ARHGEF15: variants seen among roughly 807,000 people sequenced by gnomAD.
ARHGEF15 encodes the protein Rho guanine nucleotide exchange factor (GEF) 15.
In ARHGEF15, 58 loss-of-function variants were observed where a neutral mutation model predicts 79.7. The ratio of observed to expected loss-of-function variants is 0.73; its 90% CI spans 0.59 to 0.91. The LOEUF is 0.91. Among genes scored for constraint, ARHGEF15 ranks in the 40% least tolerant of loss-of-function variants. ARHGEF15 has a pLI of 0.00. For missense variants in ARHGEF15, 1,012 were observed against 1,108.1 expected (o/e 0.91, Z 1.23); for synonymous variants, 442 against 456.0 (o/e 0.97, Z 0.39).
Position 8,313,035 on chromosome 17 carries a change from C to G in ARHGEF15, c.715C>G (p.Arg239Gly), listed in dbSNP as rs200249246. The change falls in exon 3 of 16, where the codon CGT becomes GGT. Residue 239 changes from arginine (R) to glycine (G), a missense_variant. Around this residue, in one of 3 missense-constraint regions of ARHGEF15, gnomAD observed 818 missense variants for 882.5 expected, o/e 0.93. Transcript: ENST00000361926. Reference sequence around the variant, plus strand: ...CTATGAGGAGGTCCCCAGGGTCCCCCGTCGGGCCTCCCCGCTGCGGACCTC... The same window carrying G: ...CTATGAGGAGGTCCCCAGGGTCCCCGGTCGGGCCTCCCCGCTGCGGACCTC... ...GGYEEVPRVP[R>G]RASPLRTSRS... The G allele has an allele frequency of 1.2e-6, 2 of 1,613,428 alleles. No homozygotes were observed. The highest frequency in any genetic ancestry group is 1.7e-6 in the Non-Finnish European group (2 of 1,179,822).
rs555460135 is a variant in ARHGEF15, at chr17:8,317,079, G to A, written c.1704+931G>A. ...ATTACAGGCGTGAGCCACTGCACCCGGCCTAAGACACTCTCTTCTATAGCA... is the reference window on the plus strand; with the variant it reads ...ATTACAGGCGTGAGCCACTGCACCCAGCCTAAGACACTCTCTTCTATAGCA... On this transcript the variant is annotated intron_variant, in intron 9 of 15. Coordinates refer to ENST00000361926, the MANE Select transcript of ARHGEF15 (RefSeq NM_173728.4). Among the ~76,000 whole-genome samples, 18 of 152,064 alleles carry A rather than the reference G, an allele frequency of 1.2e-4. 1 individual carries two copies. Among genetic ancestry groups the A allele is most frequent in the African/African-American group, 4.3e-4 (18 of 41,494 alleles).
In ARHGEF15 at chr17:8,318,972, C is replaced by T; in HGVS notation, c.2034-35C>T. On this transcript the variant is annotated intron_variant, in intron 12 of 15. Transcript: ENST00000361926. This position sits in a 1 kb window ranked among gnomAD's most constrained non-coding sequence, Gnocchi z 5.0. ...GGGCAGGAGGGGTCCAGCGGGACCC[C>T]TGCTGTCCTTCTGAACGACCTCATC... The T allele has an allele frequency of 6.2e-7, 1 of 1,610,514 alleles. No homozygotes were observed. Among genetic ancestry groups the T allele is most frequent in the Non-Finnish European group, 8.5e-7 (1 of 1,178,620 alleles).
Position 8,315,955 on chromosome 17 carries a change from G to C in ARHGEF15, c.1574+48G>C. 1 of 1,601,766 alleles carries C rather than the reference G, an allele frequency of 6.2e-7. No homozygotes were observed. The highest frequency in any genetic ancestry group is 8.5e-7 in the Non-Finnish European group (1 of 1,178,432). ...GGAAGCTGGGGAGAGGGATGGGACC[G>C]AGGCCACAGCAGGTTGGGGCACCAG... is the stretch of plus-strand genomic sequence containing the variant. On this transcript the variant is annotated intron_variant, in intron 8 of 15. Coordinates refer to ENST00000361926, the MANE Select transcript of ARHGEF15 (RefSeq NM_173728.4). The surrounding 1 kb of genome is among the most constrained non-coding windows in gnomAD (Gnocchi z 4.3).
At chr17:8,320,554 TG>T (rs1905316017) in intron 15 of ARHGEF15, among the ~76,000 whole-genome samples, 1 of 152,016 alleles carries the variant, frequency 6.6e-6, no homozygotes, top group African/African-American at 2.4e-5. Flanking sequence ...GTCATAGAAG[TG>T]GCAGGGATGG....
rs1389503044 is a variant in ARHGEF15 at position 8,314,910 on chromosome 17, G to A, written c.994G>A (p.Glu332Lys). 6.2e-7 allele frequency: 1 copy of A among 1,614,032 alleles called. No individual in the cohort carries two copies. The highest frequency in any genetic ancestry group is 1.7e-5 in the Admixed American group (1 of 59,994). Residue 332 changes from glutamate (E) to lysine (K), a missense_variant, in exon 5 of 16, where the codon GAG (glutamate) becomes AAG (lysine). By Grantham distance (56) the Glu-to-Lys change is moderately conservative. This residue lies in a region of ARHGEF15 where 818 missense variants were observed against 882.5 expected (regional missense o/e 0.93). Transcript: ENST00000361926. ...CTTCCCTTTCTTTCTCCACAGGGAA[G>A]AGGAGGGGCTAGAGGTGCTGAAGGA... is the stretch of plus-strand genomic sequence containing the variant. ...TPPATVEGRE[E>K]EGLEVLKEQN...
In ARHGEF15 at chr17:8,315,391, C is replaced by A; in HGVS notation, c.1261-23C>A. The A allele has an allele frequency of 6.2e-7, 1 of 1,613,702 alleles. No homozygotes were observed. Among genetic ancestry groups the A allele is most frequent in the Non-Finnish European group, 8.5e-7 (1 of 1,179,840 alleles). ...TTCCCACGGTGAACTGGGCTTCCCA[C>A]GACTGCCTGCTTTTCTTTCTAGAGT... On this transcript the variant is annotated intron_variant, in intron 6 of 15. Transcript: ENST00000361926. The surrounding 1 kb of genome is among the most constrained non-coding windows in gnomAD (Gnocchi z 4.3).
Position 8,318,516 on chromosome 17 carries a change from G to A in ARHGEF15, c.1780-54G>A. 1 of 1,613,258 alleles carries A rather than the reference G, an allele frequency of 6.2e-7. No individual in the cohort carries two copies. The highest frequency in any genetic ancestry group is 8.5e-7 in the Non-Finnish European group (1 of 1,179,504). Reference sequence around the variant, plus strand: ...AGGTGACAAGGTGGTAGAGAGAAATGGTAGGGAGCAGGGGGCTGGCCGCTG... The same window carrying A: ...AGGTGACAAGGTGGTAGAGAGAAATAGTAGGGAGCAGGGGGCTGGCCGCTG... On this transcript the variant is annotated intron_variant, in intron 10 of 15. Coordinates refer to ENST00000361926, the MANE Select transcript of ARHGEF15 (RefSeq NM_173728.4). The surrounding 1 kb of genome is among the most constrained non-coding windows in gnomAD (Gnocchi z 5.0).
At chr17:8,320,233 A>G (rs1380948872) in intron 15 of ARHGEF15, among the ~76,000 whole-genome samples, 1 of 152,122 alleles carries the variant, frequency 6.6e-6, no homozygotes, top group Non-Finnish European at 1.5e-5. Context: ...AGCAAAATAG[A>G]TAAGTAAATT....
In ARHGEF15 at chr17:8,318,319, G is replaced by A. The variant is rs1905156647; in HGVS notation, c.1705-68G>A. Reference sequence around the variant, plus strand: ...GGCTGAAACAGACAGGGTCCTCTGAGCTGTGGCCCCTCTGAATCCCAGGGC... The same window carrying A: ...GGCTGAAACAGACAGGGTCCTCTGAACTGTGGCCCCTCTGAATCCCAGGGC... On this transcript the variant is annotated intron_variant, in intron 9 of 15. Transcript: ENST00000361926. This position sits in a 1 kb window ranked among gnomAD's most constrained non-coding sequence, Gnocchi z 5.0. The A allele has an allele frequency of 6.8e-7, 1 of 1,460,350 alleles. No individual in the cohort carries two copies. The highest frequency in any genetic ancestry group is 1.4e-5 in the African/African-American group (1 of 71,168). 90.5% of individuals were successfully genotyped at this position (1,460,350 alleles called of 1,614,324 possible). A position where few individuals can be genotyped will look rare whatever the true frequency, so the allele number is the denominator to read the frequency against.
At chr17:8,319,243 C>T (rs1905221060) in intron 13 of ARHGEF15, 69 bp from the exon 14 acceptor site, 7 of 1,605,830 alleles carry the variant, frequency 4.4e-6, no homozygotes, top group Non-Finnish European at 6.0e-6. Flanking sequence ...TCTCTCTCTT[C>T]TGTGGCTCCT....
intron 3 of ARHGEF15, 35 bp from the exon 4 acceptor site, chr17:8,313,466 T>G (rs1416124152): frequency 1.9e-6 from 3 of 1,593,902 alleles, no homozygotes; most frequent in Non-Finnish European, 2.6e-6. Context: ...GATCCTGGAG[T>G]TTTTTTTTCT....
chr17:8,315,327 A>ATGG lies in ARHGEF15; in HGVS notation c.1260+51_1260+53dup. On this transcript the variant is annotated intron_variant, in intron 6 of 15. Transcript: ENST00000361926. The surrounding 1 kb of genome is among the most constrained non-coding windows in gnomAD (Gnocchi z 4.3). ...GAGGGGGGTGCTGGGGTTGGGCTGCATGGGTCAGGCATAGGGGAGGAGGGC... is the reference window on the plus strand; with the variant it reads ...GAGGGGGGTGCTGGGGTTGGGCTGCATGGTGGGTCAGGCATAGGGGAGGAGGGC... 1 of 1,610,880 alleles carries ATGG rather than the reference A, an allele frequency of 6.2e-7. No homozygotes were observed. The highest frequency in any genetic ancestry group is 1.1e-5 in the South Asian group (1 of 90,820).
Position 8,318,116 on chromosome 17 carries a change from C to T in ARHGEF15, c.1705-271C>T, listed in dbSNP as rs1234864476. The T allele has an allele frequency of 4.9e-6, 2 of 406,488 alleles. No homozygotes were observed. Among genetic ancestry groups the T allele is most frequent in the East Asian group, 3.8e-5 (1 of 26,068 alleles). 25.2% of individuals were successfully genotyped at this position (406,488 alleles called of 1,614,324 possible). On this transcript the variant is annotated intron_variant, in intron 9 of 15. Coordinates refer to ENST00000361926, the MANE Select transcript of ARHGEF15 (RefSeq NM_173728.4). This position sits in a 1 kb window ranked among gnomAD's most constrained non-coding sequence, Gnocchi z 5.0. ...TTCAACATTTAATATGTGCCAAGAA[C>T]TATGCTAAGCACTTTACATATATTG...
rs1905363764 is a variant in ARHGEF15 at position 8,321,136 on chromosome 17, C to G, written c.*143C>G. 1 of 1,217,362 alleles carries G rather than the reference C, an allele frequency of 8.2e-7. No individual in the cohort carries two copies. Among genetic ancestry groups the G allele is most frequent in the Admixed American group, 2.5e-5 (1 of 39,822 alleles). 75.4% of individuals were successfully genotyped at this position (1,217,362 alleles called of 1,614,324 possible). ...ATAGAGATCGAGCTTCAGGACAGAGCAGCCAATGAAAACGGCCGCCTGAAC... is the reference window on the plus strand; with the variant it reads ...ATAGAGATCGAGCTTCAGGACAGAGGAGCCAATGAAAACGGCCGCCTGAAC... On this transcript the variant is annotated 3_prime_UTR_variant, in exon 16 of 16. Transcript: ENST00000361926.
chr17:8,316,268 A>C, intron 9 of ARHGEF15, 120 bp downstream of exon 9: 2 of 1,404,154 alleles, frequency 1.4e-6, no homozygotes, highest in Non-Finnish European at 1.9e-6. Flanking sequence ...AAAATCCCCC[A>C]AATCATAACT....
chr17:8,314,994 C>A, intron 5 of ARHGEF15, 30 bp downstream of exon 5: 1 of 1,613,804 alleles, frequency 6.2e-7, no homozygotes, highest in Non-Finnish European at 8.5e-7. Flanking sequence ...AGGGTCCCTG[C>A]TGTGACCATC....
In ARHGEF15 at chr17:8,319,096, G is replaced by T. The variant is rs759419450; in HGVS notation, c.2123G>T (p.Arg708Leu). ...GATCCATCTGGACCCCCTACCTTCC[G>T]CCTCTCCCTTCTCAGCAACCACCAG... The part of the protein sequence containing the change: ...VPDPSGPPTF[R>L]LSLLSNHQGR... Residue 708 changes from arginine (R) to leucine (L), a missense_variant, in exon 13 of 16, where the codon CGC (arginine) becomes CTC (leucine). Coordinates refer to ENST00000361926, the MANE Select transcript of ARHGEF15 (RefSeq NM_173728.4). 2.5e-6 allele frequency: 4 copies of T among 1,613,882 alleles called. No individual in the cohort carries two copies. The East Asian group carries it at 6.7e-5, about 27-fold the overall frequency.
chr17:8,315,790 C>A lies in ARHGEF15; in HGVS notation c.1457C>A (p.Ser486Tyr). 6.2e-7 allele frequency: 1 copy of A among 1,613,258 alleles called. No homozygotes were observed. Among genetic ancestry groups the A allele is most frequent in the Non-Finnish European group, 8.5e-7 (1 of 1,179,966 alleles). The change falls in exon 8 of 16, where the codon TCC becomes TAC. Residue 486 changes from serine to tyrosine, a missense_variant. Ser to Tyr is a moderately radical substitution (Grantham distance 144). Coordinates refer to ENST00000361926, the MANE Select transcript of ARHGEF15 (RefSeq NM_173728.4). The surrounding 1 kb of genome is among the most constrained non-coding windows in gnomAD (Gnocchi z 4.3). Reference sequence around the variant, plus strand: ...ACGCTCCTGTCCCGTGTGCGCTCTTCCCCCCACATCAGCGACTTGTGTGAT... The same window carrying A: ...ACGCTCCTGTCCCGTGTGCGCTCTTACCCCCACATCAGCGACTTGTGTGAT... ...LATLLSRVRS[S>Y]PHISDLCDVV...
At position 8,313,526 on chromosome 17, in the gene ARHGEF15, G is replaced by A. The variant is rs112237413; in HGVS notation, c.960G>A (p.Gln320=). The A allele has an allele frequency of 3.5e-4, 562 of 1,613,408 alleles. No individual in the cohort carries two copies. The African/African-American group carries it at 6.7e-3, about 19-fold the overall frequency. ...GGGACAGTCCTGATGAAGCTCCTCA[G>A]AATACTCCTCCAGCAACTGTGGAGG... The part of the protein sequence containing the change: ...QTGDSPDEAP[Q]NTPPATVEGR... Residue 320 remains glutamine, a synonymous_variant, in exon 4 of 16, where the codon CAG becomes CAA. Coordinates refer to ENST00000361926, the MANE Select transcript of ARHGEF15 (RefSeq NM_173728.4).
Sources: gnomAD v4.1 joint callset for allele counts (sites outside exome capture counted in the v4.1 genomes callset) on GRCh38, gnomAD v4.1.1 for gene constraint, gnomAD v4.1.1 regional missense constraint, Gnocchi (gnomAD v3.1) non-coding constraint, MANE v1.5 for transcripts, NCBI Gene and HGNC (gene_info 2026-07-23, HGNC 2026-07-21) for gene names.